FCRL4: variants seen among roughly 807,000 people sequenced by gnomAD.
FCRL4 encodes the protein Fc receptor like 4.
A neutral mutation model predicts 64.1 loss-of-function variants in FCRL4; 43 were observed. The ratio of observed to expected loss-of-function variants is 0.67; its 90% CI spans 0.53 to 0.87. The LOEUF (loss-of-function observed/expected upper bound fraction) is 0.87, where lower values mean the gene tolerates loss of function less well. Among genes scored for constraint, FCRL4 ranks in the 40% least tolerant of loss-of-function variants. The pLI is 0.00. For synonymous variants in FCRL4, 253 were observed against 239.8 expected (o/e 1.05, Z -0.51); for missense variants, 656 against 613.5 (o/e 1.07, Z -0.73).
intron 2 of FCRL4, 36 bp downstream of exon 2, chr1:157,596,292 T>C (rs1233162146): frequency 5.6e-6 from 9 of 1,604,260 alleles, no homozygotes; most frequent in African/African-American, 1.3e-5. Context: ...TTAGGGTATC[T>C]AGAGACATAA....
chr1:157,575,834 A>G, intron 10 of FCRL4, 104 bp from the exon 11 acceptor site: 1 of 1,009,622 alleles, frequency 9.9e-7, no homozygotes. Context: ...GGCCCTGTCC[A>G]CCTCATCCCC....
At position 157,598,040 on chromosome 1, in the gene FCRL4, G is replaced by C. The variant is rs1310421058; in HGVS notation, c.-96C>G. On this transcript the variant is annotated 5_prime_UTR_variant, in exon 1 of 12. Coordinates refer to ENST00000271532, the MANE Select transcript of FCRL4 (RefSeq NM_031282.3). The stretch of plus-strand genomic sequence containing the variant: ...GCACTTGCCTACACCAGCACCAGCA[G>C]TGAGCTCAGTAAGCTTCTTCTCTGC... The C allele has an allele frequency of 1.2e-6, 1 of 835,192 alleles. No homozygotes were observed. The highest frequency in any genetic ancestry group is 2.1e-6 in the Non-Finnish European group (1 of 485,970). The allele number at this position is 835,192 out of a possible 1,614,324, so 51.7% of individuals were successfully genotyped here.
At chr1:157,584,853 C>T (rs1293269671) in intron 6 of FCRL4, among the ~76,000 whole-genome samples, 1 of 152,012 alleles carries the variant, frequency 6.6e-6, no homozygotes, top group Non-Finnish European at 1.5e-5. Flanking sequence ...TTTTGGGGAG[C>T]AGTCCCCAAA....
intron 1 of FCRL4, among the ~76,000 whole-genome samples, chr1:157,597,457 C>T (rs1042830498): frequency 6.6e-6 from 1 of 152,220 alleles, no homozygotes; most frequent in Non-Finnish European, 1.5e-5. Context: ...CTTCTCTTCT[C>T]ATGCTCTTTG....
chr1:157,595,603 A>T (rs1652943844), intron 2 of FCRL4, among the ~76,000 whole-genome samples: 1 of 152,210 alleles, frequency 6.6e-6, no homozygotes, highest in Non-Finnish European at 1.5e-5. Flanking sequence ...TTCTAGAACC[A>T]TTAGCAAAGT....
At position 157,588,106 on chromosome 1, in the gene FCRL4, C is replaced by T. The variant is rs749671301; in HGVS notation, c.321G>A (p.Leu107=). 1.2e-6 allele frequency: 2 copies of T among 1,612,286 alleles called. No individual in the cohort carries two copies. The highest frequency in any genetic ancestry group is 8.5e-7 in the Non-Finnish European group (1 of 1,179,242). Residue 107 remains leucine, a synonymous_variant, in exon 4 of 12, where the codon CTG becomes CTA. Coordinates refer to ENST00000271532, the MANE Select transcript of FCRL4 (RefSeq NM_031282.3). ...RLLFSSDSLI[L]QAPYSVFEGD... ...CTTCAAACACAGAATATGGTGCCTG[C>T]AGGATTAAGGAGTCTGGAAAAGACA...
Position 157,589,090 on chromosome 1 carries a change from A to G in FCRL4, c.307+114T>C, listed in dbSNP as rs192935334. The G allele has an allele frequency of 2.8e-4, 324 of 1,164,862 alleles. 1 individual carries two copies. In the East Asian group the frequency reaches 6.5e-3, roughly 23 times the overall value. 72.2% of individuals were successfully genotyped at this position (1,164,862 alleles called of 1,614,324 possible). On this transcript the variant is annotated intron_variant, in intron 3 of 11. Transcript: ENST00000271532. ...TGGAGGGAAAATATGAAACTAAAGG[A>G]GCTGGGATCGAGGGTTAGAGAGGAA...
rs1652376012 is a variant in FCRL4 at position 157,575,328 on chromosome 1, G to A, written c.*196C>T. ...TGTGGATCCTGGTCATTTTAGTGAA[G>A]TCTTTCAGAGGCCATTCCATCCCAA... On this transcript the variant is annotated 3_prime_UTR_variant, in exon 12 of 12. Transcript: ENST00000271532. The A allele has an allele frequency of 1.7e-6, 1 of 590,298 alleles. No individual in the cohort carries two copies. The allele number at this position is 590,298 out of a possible 1,614,324, so 36.6% of individuals were successfully genotyped here. A position where few individuals can be genotyped will look rare whatever the true frequency, so the allele number is the denominator to read the frequency against.
chr1:157,597,832 A>C (rs1571147844), intron 1 of FCRL4, 82 bp downstream of exon 1: 1 of 1,100,702 alleles, frequency 9.1e-7, no homozygotes, highest in African/African-American at 1.6e-5. Flanking sequence ...AAAATCCATG[A>C]TTGCAGCAGC....
In FCRL4 at chr1:157,597,900, T is replaced by A. The variant is rs1193968075; in HGVS notation, c.31+14A>T. 6.8e-6 allele frequency: 11 copies of A among 1,611,894 alleles called. No homozygotes were observed. Among genetic ancestry groups the A allele is most frequent in the Non-Finnish European group, 9.3e-6 (11 of 1,178,450 alleles). ...AGCTTTGCAGCAAGCAAAGGTCTCC[T>A]CCCCATCACTTACCAAAGGCCAGCA... On this transcript the variant is annotated intron_variant, in intron 1 of 11. Coordinates refer to ENST00000271532, the MANE Select transcript of FCRL4 (RefSeq NM_031282.3).
In FCRL4 at chr1:157,578,352, G is replaced by C. The variant is rs770483618; in HGVS notation, c.1429+122C>G. 4 of 799,720 alleles carry C rather than the reference G, an allele frequency of 5.0e-6. No individual in the cohort carries two copies. The Admixed American group carries it at 8.6e-5, about 17-fold the overall frequency. 49.5% of individuals were successfully genotyped at this position (799,720 alleles called of 1,614,324 possible). A position where few individuals can be genotyped will look rare whatever the true frequency, so the allele number is the denominator to read the frequency against. ...CTCTCCACTGCAGGGATTTTTGTCT[G>C]CCTTGTTTACTGATTGACTTCCCAT... On this transcript the variant is annotated intron_variant, in intron 10 of 11. Coordinates refer to ENST00000271532, the MANE Select transcript of FCRL4 (RefSeq NM_031282.3).
intron 2 of FCRL4, among the ~76,000 whole-genome samples, chr1:157,593,694 C>A (rs1362608114): frequency 6.6e-6 from 1 of 152,196 alleles, no homozygotes; most frequent in Non-Finnish European, 1.5e-5. Context: ...ACTTTCTCTA[C>A]TACCGTTGTA....
At chr1:157,590,411 C>A (rs1652812184) in intron 2 of FCRL4, among the ~76,000 whole-genome samples, 1 of 152,018 alleles carries the variant, frequency 6.6e-6, no homozygotes, top group South Asian at 2.1e-4. Flanking sequence ...GGATATTCAA[C>A]CTGTGTAAAT....
intron 2 of FCRL4, among the ~76,000 whole-genome samples, chr1:157,595,552 C>T (rs1571146478): frequency 6.6e-6 from 1 of 152,358 alleles, no homozygotes; most frequent in African/African-American, 2.4e-5. Context: ...ACATCCCTAG[C>T]TGCAGTTAAT....
rs1011291235 is a variant in FCRL4 at position 157,598,055 on chromosome 1, T to C, written c.-111A>G. 2 of 752,020 alleles carry C rather than the reference T, an allele frequency of 2.7e-6. No homozygotes were observed. The highest frequency in any genetic ancestry group is 3.4e-5 in the African/African-American group (2 of 58,002). 46.6% of individuals were successfully genotyped at this position (752,020 alleles called of 1,614,324 possible). A position where few individuals can be genotyped will look rare whatever the true frequency, so the allele number is the denominator to read the frequency against. On this transcript the variant is annotated 5_prime_UTR_variant, in exon 1 of 12. Coordinates refer to ENST00000271532, the MANE Select transcript of FCRL4 (RefSeq NM_031282.3). ...AGCACCAGCAGTGAGCTCAGTAAGC[T>C]TCTTCTCTGCATAAAGCTGATTGAG...
intron 2 of FCRL4, among the ~76,000 whole-genome samples, chr1:157,596,127 G>A (rs1054020469): frequency 6.6e-6 from 1 of 152,122 alleles, no homozygotes; most frequent in Non-Finnish European, 1.5e-5. Context: ...CCAGCACAAT[G>A]GCAGTTTTGG....
In FCRL4 at chr1:157,581,554, T is replaced by G; in HGVS notation, c.1226A>C (p.His409Pro). ...ALLLAVALLF[H>P]CWRRRKSGVG... is the part of the protein sequence containing the mutation. The stretch of plus-strand genomic sequence containing the variant: ...ACCTGACTTCCTCCGACGCCAGCAG[T>G]GAAACAGCAGGGCCACAGCCAGGAG... The change falls in exon 7 of 12, where the codon CAC (histidine) becomes CCC (proline). Residue 409 changes from histidine (H) to proline (P), a missense_variant. Physicochemically the swap from His to Pro is moderately conservative, Grantham distance 77. Transcript: ENST00000271532. The G allele has an allele frequency of 2.5e-6, 4 of 1,613,952 alleles. No homozygotes were observed. The highest frequency in any genetic ancestry group is 3.4e-6 in the Non-Finnish European group (4 of 1,179,938).
intron 6 of FCRL4, among the ~76,000 whole-genome samples, chr1:157,584,308 C>T (rs1264089468): frequency 6.6e-6 from 1 of 151,964 alleles, no homozygotes; most frequent in Non-Finnish European, 1.5e-5. Flanking sequence ...TCTTGAAATG[C>T]CATTGAGCCC....
intron 6 of FCRL4, among the ~76,000 whole-genome samples, chr1:157,585,194 T>G (rs544627730): frequency 6.6e-6 from 1 of 152,128 alleles, no homozygotes; most frequent in Admixed American, 6.5e-5. Flanking sequence ...AGCTTTCCAG[T>G]AACTTAATAA....
Sources: gnomAD v4.1 joint callset for allele counts (sites outside exome capture counted in the v4.1 genomes callset) on GRCh38, gnomAD v4.1.1 for gene constraint, MANE v1.5 for transcripts, NCBI Gene and HGNC (gene_info 2026-07-23, HGNC 2026-07-21) for gene names.